The following JPT1 variants were observed in gnomAD, a reference collection of about 807,000 sequenced individuals.
JPT1 encodes the protein Jupiter microtubule associated homolog 1.
In JPT1, 5 loss-of-function variants were observed where a neutral mutation model predicts 17.0. That is an observed-to-expected ratio of 0.29 (90% CI 0.15 to 0.62). The LOEUF (loss-of-function observed/expected upper bound fraction) is 0.62. Among genes scored for constraint, JPT1 ranks in the 20% least tolerant of loss-of-function variants. The probability of loss-of-function intolerance (pLI) is 0.85; values close to 1 mark genes in which losing one functional copy is unlikely to be tolerated. For synonymous variants in JPT1, 71 were observed against 73.6 expected (o/e 0.96, Z 0.18); for missense variants, 158 against 188.1 (o/e 0.84, Z 0.94).
At position 75,147,612 on chromosome 17, in the gene JPT1, C is replaced by T; in HGVS notation, c.241G>A (p.Gly81Arg). The T allele has an allele frequency of 6.2e-7, 1 of 1,614,054 alleles. No homozygotes were observed. The highest frequency in any genetic ancestry group is 8.5e-7 in the Non-Finnish European group (1 of 1,179,944). The change falls in exon 3 of 5, where the codon GGA becomes AGA. Residue 81 changes from glycine to arginine, a missense_variant. By Grantham distance (125) the Gly-to-Arg change is moderately radical (BLOSUM62 -2). Coordinates refer to ENST00000409753, the MANE Select transcript of JPT1 (RefSeq NM_016185.4). ...SGGREDLESS[G>R]LQRRNSSEAS... ...TCAGAGGAGTTCCTTCTCTGCAGTC[C>T]AGATGACTCCAAGTCTTCCCTGCCA...
intron 4 of JPT1, chr17:75,141,194 C>T (rs539136163): frequency 6.6e-6 from 1 of 152,096 alleles, no homozygotes; most frequent in Non-Finnish European, 1.5e-5. Flanking sequence ...GGCTTGAACC[C>T]GGAAGTCAAG....
chr17:75,151,341 AATAATG>A (rs1297932738), intron 1 of JPT1, among the ~76,000 whole-genome samples: 1 of 150,894 alleles, frequency 6.6e-6, no homozygotes, highest in Non-Finnish European at 1.5e-5. Flanking sequence ...GTCTCAAAAT[AATAATG>A]ATAATAATAA....
chr17:75,142,612 AGAGAG>A, intron 4 of JPT1: 1 of 177,726 alleles, frequency 5.6e-6, no homozygotes, highest in Non-Finnish European at 1.1e-5. Flanking sequence ...GGGAAGGGGG[AGAGAG>A]GAGGGGAGGG....
Position 75,154,345 on chromosome 17 carries a change from G to C in JPT1, c.53C>G (p.Ser18Cys). Residue 18 changes from serine to cysteine, a missense_variant, in exon 1 of 5, where the codon TCC (serine) becomes TGC (cysteine). Transcript: ENST00000409753. ...KGVDPNSRNS[S>C]RVLRPPGGGS... ...GGGCGCGACCCGGTCGCCTCACCGG[G>C]AGCTATTCCTGCTGTTGGGGTCGAC... The C allele has an allele frequency of 6.5e-7, 1 of 1,546,814 alleles. No individual in the cohort carries two copies. The highest frequency in any genetic ancestry group is 8.7e-7 in the Non-Finnish European group (1 of 1,145,474).
At chr17:75,146,561 G>A in intron 4 of JPT1, 105 bp downstream of exon 4, 1 of 834,686 alleles carries the variant, frequency 1.2e-6, no homozygotes. Context: ...GCATGGCCAG[G>A]TTTCACTCCC....
At chr17:75,142,653 GAGGGAAGGGGGAGGAAGGGAACGGGA>G in intron 4 of JPT1, 1 of 330,068 alleles carries the variant, frequency 3.0e-6, no homozygotes. Flanking sequence ...GGGGGGGATG[GAGGGAAGGGGGAGGAAGGGAACGGGA>G]AGGGATGAGA....
At chr17:75,142,049 A>AC (rs1303905439) in intron 4 of JPT1, among the ~76,000 whole-genome samples, 1 of 152,116 alleles carries the variant, frequency 6.6e-6, no homozygotes, top group African/African-American at 2.4e-5. Context: ...AGCCTGGGTG[A>AC]CAGAGCAAGG....
chr17:75,141,672 AC>A (rs2074311936), intron 4 of JPT1, among the ~76,000 whole-genome samples: 4 of 151,914 alleles, frequency 2.6e-5, no homozygotes, highest in African/African-American at 9.7e-5. Context: ...GGAAAAAACA[AC>A]AACAGGTAAC....
At chr17:75,151,027 T>G (rs2074543348) in intron 1 of JPT1, among the ~76,000 whole-genome samples, 1 of 149,586 alleles carries the variant, frequency 6.7e-6, no homozygotes, top group African/African-American at 2.6e-5. Context: ...CTAACTCTTT[T>G]ATTTTTAGTA....
At position 75,141,585 on chromosome 17, in the gene JPT1, G is replaced by A. The variant is rs555798361; in HGVS notation, c.316+5081C>T. On this transcript the variant is annotated intron_variant, in intron 4 of 4. Transcript: ENST00000409753. ...GGAGAATCACTTGAACCCGGGAGGC[G>A]GAGGTTGCAGTGAGCCGAGATTATG... Among the ~76,000 whole-genome samples, 103 of 152,094 alleles carry A rather than the reference G, an allele frequency of 6.8e-4. No individual in the cohort carries two copies. In the South Asian group the frequency reaches 9.3e-3, roughly 14 times the overall value.
chr17:75,150,442 G>A (rs1468764439), intron 1 of JPT1, among the ~76,000 whole-genome samples: 1 of 152,058 alleles, frequency 6.6e-6, no homozygotes, highest in East Asian at 1.9e-4. Flanking sequence ...CAGTAGAGAC[G>A]GGGTTTCGCC....
At chr17:75,153,891 G>A (rs1296040202) in intron 1 of JPT1, 2 of 152,496 alleles carry the variant, frequency 1.3e-5, no homozygotes, top group Non-Finnish European at 2.9e-5. Context: ...CGCATGCCAC[G>A]GGGGAGAGAC....
chr17:75,136,990 T>A (rs963801111), intron 4 of JPT1, among the ~76,000 whole-genome samples: 11 of 152,218 alleles, frequency 7.2e-5, no homozygotes, highest in Non-Finnish European at 1.5e-5. Context: ...ATAAATGGTA[T>A]CAACTTCTTT....
At chr17:75,137,503 C>T (rs147740265) in intron 4 of JPT1, among the ~76,000 whole-genome samples, 1,645 of 150,852 alleles carry the variant, frequency 0.011, 31 homozygotes, top group African/African-American at 0.038. Context: ...ACTACAGGCG[C>T]GCACCACCAC....
rs754727756 is a variant in JPT1 at position 75,148,511 on chromosome 17, C to A, written c.199+18G>T. 5 of 1,613,796 alleles carry A rather than the reference C, an allele frequency of 3.1e-6. No homozygotes were observed. Among genetic ancestry groups the A allele is most frequent in the Non-Finnish European group, 4.2e-6 (5 of 1,179,894 alleles). ...TGGGCCCATCCCTTTGAACAGTGAG[C>A]ACAGATAACAAGAGTACCTGCTGAC... On this transcript the variant is annotated intron_variant, in intron 2 of 4. Coordinates refer to ENST00000409753, the MANE Select transcript of JPT1 (RefSeq NM_016185.4).
chr17:75,146,404 C>G, intron 4 of JPT1: 1 of 339,860 alleles, frequency 2.9e-6, no homozygotes, highest in Non-Finnish European at 5.4e-6. Context: ...CTGCCTGCCT[C>G]AGCCTCCCAA....
chr17:75,141,707 G>C (rs1157620504), intron 4 of JPT1, among the ~76,000 whole-genome samples: 1 of 151,322 alleles, frequency 6.6e-6, no homozygotes. Flanking sequence ...GGGGGAAAAA[G>C]AAAGGACTTA....
intron 4 of JPT1, among the ~76,000 whole-genome samples, chr17:75,144,679 T>A (rs1239471855): frequency 6.6e-6 from 1 of 152,030 alleles, no homozygotes; most frequent in Admixed American, 6.6e-5. Flanking sequence ...AGGCCCAGAC[T>A]TACAACTGGT....
chr17:75,141,284 T>C (rs1234405708), intron 4 of JPT1: 1 of 152,134 alleles, frequency 6.6e-6, no homozygotes, highest in African/African-American at 2.4e-5. Context: ...GAAAAAAATA[T>C]TATTGTGCCC....
Sources: allele counts gnomAD v4.1 joint callset (sites outside exome capture counted in the v4.1 genomes callset), GRCh38; gene constraint gnomAD v4.1.1; transcripts MANE v1.5; gene names NCBI Gene and HGNC (gene_info 2026-07-23, HGNC 2026-07-21).